The following MACROD2 variants were observed in gnomAD, a reference collection of about 807,000 sequenced individuals.
MACROD2 encodes ADP-ribose glycohydrolase MACROD2.
A neutral mutation model predicts 70.4 loss-of-function variants in MACROD2; 36 were observed. That is an observed-to-expected ratio of 0.51 (90% CI 0.39 to 0.68). The LOEUF is 0.68. MACROD2 is among the 30% of genes least tolerant of loss of function. MACROD2 has a pLI of 0.00. For missense variants in MACROD2, 496 were observed against 538.4 expected (o/e 0.92, Z 0.78); for synonymous variants, 172 against 178.8 (o/e 0.96, Z 0.30).
intron 11 of MACROD2, among the ~76,000 whole-genome samples, chr20:15,934,632 A>G (rs1272513521): frequency 6.6e-6 from 1 of 152,046 alleles, no homozygotes; most frequent in Non-Finnish European, 1.5e-5. Flanking sequence ...TGAGGTTTCA[A>G]AGGTTTTATT....
chr20:14,946,926 G>C (rs949584569), intron 5 of MACROD2, among the ~76,000 whole-genome samples: 1 of 152,158 alleles, frequency 6.6e-6, no homozygotes, highest in Non-Finnish European at 1.5e-5. Flanking sequence ...ATGCATGTGA[G>C]GTGTATGTGT....
chr20:14,864,236 G>T (rs1276797158), intron 5 of MACROD2, among the ~76,000 whole-genome samples: 4 of 152,084 alleles, frequency 2.6e-5, no homozygotes, highest in Non-Finnish European at 5.9e-5. Context: ...CTATAGTAAA[G>T]ACATTTTTGT....
intron 12 of MACROD2, among the ~76,000 whole-genome samples, chr20:15,952,408 G>A (rs2065919373): frequency 6.6e-6 from 1 of 150,384 alleles, no homozygotes; most frequent in Admixed American, 6.6e-5. Context: ...TTTTTTATCA[G>A]TACTGCATCT....
At chr20:15,799,516 T>C (rs934646610) in intron 8 of MACROD2, among the ~76,000 whole-genome samples, 10 of 152,174 alleles carry the variant, frequency 6.6e-5, no homozygotes, top group Non-Finnish European at 8.8e-5. Context: ...ATTTTTTAGC[T>C]TCCACATATG....
At chr20:16,011,001 G>A (rs2066855791) in intron 15 of MACROD2, among the ~76,000 whole-genome samples, 1 of 152,170 alleles carries the variant, frequency 6.6e-6, no homozygotes, top group Admixed American at 6.5e-5. Context: ...GCTTTCCTGG[G>A]CAGACTAAAT....
At chr20:15,553,444 T>C (rs1227054672) in intron 8 of MACROD2, among the ~76,000 whole-genome samples, 1 of 152,182 alleles carries the variant, frequency 6.6e-6, no homozygotes, top group Non-Finnish European at 1.5e-5. Flanking sequence ...TTGTTCGAGA[T>C]AGAGTCTCAC....
intron 10 of MACROD2, among the ~76,000 whole-genome samples, chr20:15,920,710 T>C (rs550565896): frequency 2.6e-5 from 4 of 152,260 alleles, no homozygotes; most frequent in African/African-American, 9.6e-5. Context: ...AGCCGGCAAA[T>C]GATGAAGGCT....
chr20:14,728,586 G>A (rs1257177444), intron 5 of MACROD2, among the ~76,000 whole-genome samples: 6 of 152,184 alleles, frequency 3.9e-5, no homozygotes, highest in Admixed American at 6.5e-5. Context: ...TGCAGCCAGA[G>A]ATGAGCTCCC....
chr20:14,891,347 A>T (rs182566672), intron 5 of MACROD2, among the ~76,000 whole-genome samples: 1 of 152,174 alleles, frequency 6.6e-6, no homozygotes, highest in Admixed American at 6.5e-5. Context: ...TACACTGAAT[A>T]TGAGGAAAAA....
At chr20:15,721,968 T>C (rs2050793563) in intron 8 of MACROD2, among the ~76,000 whole-genome samples, 1 of 152,148 alleles carries the variant, frequency 6.6e-6, no homozygotes, top group Non-Finnish European at 1.5e-5. Context: ...TTTTGAATCT[T>C]ATATAAATGA....
intron 3 of MACROD2, among the ~76,000 whole-genome samples, chr20:14,442,199 G>T (rs1014905931): frequency 2.0e-5 from 3 of 152,198 alleles, no homozygotes; most frequent in Admixed American, 2.0e-4. Flanking sequence ...GAACCCAGGA[G>T]GTGGAGGTTG....
At chr20:15,032,642 G>A (rs2123001960) in intron 5 of MACROD2, among the ~76,000 whole-genome samples, 1 of 152,328 alleles carries the variant, frequency 6.6e-6, no homozygotes, top group Non-Finnish European at 1.5e-5. Flanking sequence ...TGTACCTTCA[G>A]CAGCTGCTGT....
At chr20:15,165,284 CA>C (rs2076376069) in intron 5 of MACROD2, among the ~76,000 whole-genome samples, 1 of 152,058 alleles carries the variant, frequency 6.6e-6, no homozygotes, top group Non-Finnish European at 1.5e-5. Context: ...GGTAAAACCC[CA>C]TCTCTACTAA....
At chr20:14,428,078 C>T (rs186045259) in intron 3 of MACROD2, among the ~76,000 whole-genome samples, 18 of 152,138 alleles carry the variant, frequency 1.2e-4, no homozygotes, top group African/African-American at 3.6e-4. Flanking sequence ...GCAGTTTAGT[C>T]TATAATCTCA....
intron 3 of MACROD2, among the ~76,000 whole-genome samples, chr20:14,155,501 TTTTGAAGTA>T (rs2055090371): frequency 6.6e-6 from 1 of 152,176 alleles, no homozygotes; most frequent in South Asian, 2.1e-4. Flanking sequence ...TTTTTTGCCT[TTTTGAAGTA>T]TTTGACTAGG....
chr20:15,934,424 G>T (rs1203323685), intron 11 of MACROD2, among the ~76,000 whole-genome samples: 3 of 152,288 alleles, frequency 2.0e-5, no homozygotes, highest in East Asian at 3.9e-4. Flanking sequence ...GTCGGCCGGC[G>T]TCCTTTGCTG....
chr20:15,931,322 G>A (rs2065572984), intron 10 of MACROD2, among the ~76,000 whole-genome samples: 1 of 152,120 alleles, frequency 6.6e-6, no homozygotes, highest in Non-Finnish European at 1.5e-5. Flanking sequence ...GAATTTAAGT[G>A]GCATGCAGAG....
chr20:14,885,462 A>G lies in MACROD2; in HGVS notation c.418+200503A>G, dbSNP rs955792708. Reference sequence around the variant, plus strand: ...TACACACATCATCCCTCCTCTACCTACTAGCCAGTCTCTCTGCCTCCAGCC... The same window carrying G: ...TACACACATCATCCCTCCTCTACCTGCTAGCCAGTCTCTCTGCCTCCAGCC... On this transcript the variant is annotated intron_variant, in intron 5 of 17. Coordinates refer to ENST00000684519, the MANE Select transcript of MACROD2 (RefSeq NM_001351661.2). Among the ~76,000 whole-genome samples the G allele has an allele frequency of 6.6e-5, 10 of 152,026 alleles. No individual in the cohort carries two copies. In the South Asian group the frequency reaches 1.0e-3, roughly 16 times the overall value.
chr20:14,245,502 A>G (rs1257269020), intron 3 of MACROD2, among the ~76,000 whole-genome samples: 2 of 152,176 alleles, frequency 1.3e-5, no homozygotes, highest in Non-Finnish European at 2.9e-5. Flanking sequence ...AGTAACTTGC[A>G]CAGAGTTGCA....
Sources: gnomAD v4.1 joint callset for allele counts (sites outside exome capture counted in the v4.1 genomes callset) on GRCh38, gnomAD v4.1.1 for gene constraint, MANE v1.5 for transcripts, NCBI Gene and HGNC (gene_info 2026-07-23, HGNC 2026-07-21) for gene names.